GPRIN3: variants seen among roughly 807,000 people sequenced by gnomAD.
The protein encoded by GPRIN3 is G protein-regulated inducer of neurite outgrowth 3.
Under a neutral mutation model 13.7 loss-of-function variants are expected in GPRIN3, and 12 were observed. The ratio of observed to expected loss-of-function variants is 0.87; its 90% CI spans 0.56 to 1.42. The LOEUF is 1.42. GPRIN3 is among the 40% of genes most tolerant of loss of function. GPRIN3 has a pLI of 0.00. For missense variants in GPRIN3, 1,009 were observed against 958.7 expected (o/e 1.05, Z -0.69); for synonymous variants, 377 against 372.7 (o/e 1.01, Z -0.13).
chr4:89,285,173 A>C (rs1456472281), intron 1 of GPRIN3, among the ~76,000 whole-genome samples: 1 of 151,440 alleles, frequency 6.6e-6, no homozygotes, highest in African/African-American at 2.4e-5. Flanking sequence ...TGCCTTTGAA[A>C]AATCCCTACC....
At chr4:89,302,789 A>G (rs946621848) in intron 1 of GPRIN3, among the ~76,000 whole-genome samples, 2 of 152,190 alleles carry the variant, frequency 1.3e-5, no homozygotes, top group South Asian at 2.1e-4. Flanking sequence ...CTTGACTCTT[A>G]CGTGCAAAAA....
At position 89,238,903 on chromosome 4, in the gene GPRIN3, C is replaced by A. The variant is rs1474222840; in HGVS notation, c.*8877G>T. ...TATGAAAAGTGAGATGCAAAAAAATCATAATCTAAATTTTTTGATGGTAAA... is the reference window on the plus strand; with the variant it reads ...TATGAAAAGTGAGATGCAAAAAAATAATAATCTAAATTTTTTGATGGTAAA... On this transcript the variant is annotated 3_prime_UTR_variant, in exon 2 of 2. Transcript: ENST00000609438. 1 of 152,036 alleles carries A rather than the reference C, an allele frequency of 6.6e-6. No homozygotes were observed. The highest frequency in any genetic ancestry group is 1.5e-5 in the Non-Finnish European group (1 of 68,000). 9.4% of individuals were successfully genotyped at this position (152,036 alleles called of 1,614,324 possible). A position where few individuals can be genotyped will look rare whatever the true frequency, so the allele number is the denominator to read the frequency against.
chr4:89,275,958 A>G (rs760843993), intron 1 of GPRIN3, among the ~76,000 whole-genome samples: 8 of 152,182 alleles, frequency 5.3e-5, no homozygotes, highest in Admixed American at 1.3e-4. Flanking sequence ...CCTACAATTA[A>G]CCTAGGCCAG....
At chr4:89,273,996 CG>C (rs1191210933) in intron 1 of GPRIN3, among the ~76,000 whole-genome samples, 1 of 152,150 alleles carries the variant, frequency 6.6e-6, no homozygotes, top group Non-Finnish European at 1.5e-5. Context: ...CCTCAAGAAG[CG>C]TATTATGAAG....
rs1291836777 is a variant in GPRIN3 at position 89,250,394 on chromosome 4, T to C, written c.-123-161A>G. The C allele has an allele frequency of 4.4e-5, 13 of 298,762 alleles. No individual in the cohort carries two copies. In the East Asian group the frequency reaches 8.4e-4, roughly 19 times the overall value. 18.5% of individuals were successfully genotyped at this position (298,762 alleles called of 1,614,324 possible). A position where few individuals can be genotyped will look rare whatever the true frequency, so the allele number is the denominator to read the frequency against. ...GGGAGGGAGAAGAAAAATAAATAAA[T>C]AAAAATAGACTTGAGAAAAAGATTT... On this transcript the variant is annotated intron_variant, in intron 1 of 1. Coordinates refer to ENST00000609438, the MANE Select transcript of GPRIN3 (RefSeq NM_198281.3).
Position 89,249,926 on chromosome 4 carries a change from G to A in GPRIN3, c.185C>T (p.Ala62Val), listed in dbSNP as rs762425208. Residue 62 changes from alanine (A) to valine (V), a missense_variant, in exon 2 of 2, where the codon GCC becomes GTC. Transcript: ENST00000609438. Reference protein sequence around the residue: ...AEPDLSPRAAAEALMQVCEHE... With the variant: ...AEPDLSPRAAVEALMQVCEHE... The stretch of plus-strand genomic sequence containing the variant: ...CTCACAAACCTGCATCAGGGCTTCG[G>A]CAGCTGCCCTGGGGCTGAGGTCTGG... 1.4e-5 allele frequency: 22 copies of A among 1,614,112 alleles called. No homozygotes were observed. Among genetic ancestry groups the A allele is most frequent in the Non-Finnish European group, 1.9e-5 (22 of 1,180,032 alleles).
chr4:89,285,631 C>G (rs1724384907), intron 1 of GPRIN3, among the ~76,000 whole-genome samples: 1 of 152,210 alleles, frequency 6.6e-6, no homozygotes, highest in African/African-American at 2.4e-5. Flanking sequence ...AATATCTCAA[C>G]TTCCTGTTCT....
intron 1 of GPRIN3, among the ~76,000 whole-genome samples, chr4:89,296,155 G>T (rs1453424646): frequency 6.6e-6 from 1 of 152,096 alleles, no homozygotes; most frequent in Non-Finnish European, 1.5e-5. Flanking sequence ...GGAACAAAGA[G>T]TTTGAATTCT....
intron 1 of GPRIN3, among the ~76,000 whole-genome samples, chr4:89,287,426 G>A (rs541226245): frequency 2.9e-4 from 44 of 152,330 alleles, no homozygotes; most frequent in African/African-American, 1.0e-3. Context: ...AAATTGAACT[G>A]TGTCCTATTT....
rs1290429521 is a variant in GPRIN3, at chr4:89,242,868, G to A, written c.*4912C>T. ...CACAAGTCATTTCACCAAGGTCCAAGGTTATTTGAATGTTGTTTATAATTA... is the reference window on the plus strand; with the variant it reads ...CACAAGTCATTTCACCAAGGTCCAAAGTTATTTGAATGTTGTTTATAATTA... On this transcript the variant is annotated 3_prime_UTR_variant, in exon 2 of 2. Transcript: ENST00000609438. The A allele has an allele frequency of 1.3e-5, 2 of 152,072 alleles. No individual in the cohort carries two copies. Among genetic ancestry groups the A allele is most frequent in the Non-Finnish European group, 2.9e-5 (2 of 68,012 alleles). The allele number at this position is 152,072 out of a possible 1,614,324, so 9.4% of individuals were successfully genotyped here. A position where few individuals can be genotyped will look rare whatever the true frequency, so the allele number is the denominator to read the frequency against.
At chr4:89,260,388 G>T (rs1007872061) in intron 1 of GPRIN3, among the ~76,000 whole-genome samples, 3 of 152,158 alleles carry the variant, frequency 2.0e-5, no homozygotes, top group Admixed American at 2.0e-4. Flanking sequence ...CTTTGCTGGG[G>T]CCACAATCTT....
At chr4:89,250,294 C>A in intron 1 of GPRIN3, 61 bp from the exon 2 acceptor site, 5 of 1,232,250 alleles carry the variant, frequency 4.1e-6, no homozygotes, top group Non-Finnish European at 4.2e-6. Context: ...GAAAAATAAA[C>A]CAAACTGTCG....
rs559759427 is a variant in GPRIN3 at position 89,240,148 on chromosome 4, C to T, written c.*7632G>A. ...ACTGGTTGGAATTATGATAAGCTGACAAATCTTGTTCAGAGTTGACACTTG... is the reference window on the plus strand; with the variant it reads ...ACTGGTTGGAATTATGATAAGCTGATAAATCTTGTTCAGAGTTGACACTTG... On this transcript the variant is annotated 3_prime_UTR_variant, in exon 2 of 2. Coordinates refer to ENST00000609438, the MANE Select transcript of GPRIN3 (RefSeq NM_198281.3). The T allele has an allele frequency of 1.3e-5, 2 of 152,268 alleles. No homozygotes were observed. Among genetic ancestry groups the T allele is most frequent in the Non-Finnish European group, 2.9e-5 (2 of 68,014 alleles). 9.4% of individuals were successfully genotyped at this position (152,268 alleles called of 1,614,324 possible).
chr4:89,266,967 T>C (rs1430482981), intron 1 of GPRIN3, among the ~76,000 whole-genome samples: 71 of 152,358 alleles, frequency 4.7e-4, no homozygotes, highest in Admixed American at 6.5e-5. Context: ...TAAATTTATA[T>C]ATAACATAAC....
intron 1 of GPRIN3, among the ~76,000 whole-genome samples, chr4:89,252,461 TC>T (rs894386806): frequency 2.6e-5 from 4 of 152,188 alleles, no homozygotes; most frequent in African/African-American, 9.7e-5. Flanking sequence ...TTTCTGAGGA[TC>T]TTTCCAGCTC....
intron 1 of GPRIN3, among the ~76,000 whole-genome samples, chr4:89,280,893 G>A (rs1724227578): frequency 6.6e-6 from 1 of 152,118 alleles, no homozygotes; most frequent in African/African-American, 2.4e-5. Context: ...ATTGTATTAG[G>A]CTATTCCTGC....
At chr4:89,305,640 T>C (rs1561240547) in intron 1 of GPRIN3, among the ~76,000 whole-genome samples, 2 of 152,230 alleles carry the variant, frequency 1.3e-5, no homozygotes, top group East Asian at 3.8e-4. Flanking sequence ...CCGTGTTTCC[T>C]GCAAGCTGCA....
intron 1 of GPRIN3, among the ~76,000 whole-genome samples, chr4:89,252,837 C>T (rs1337378920): frequency 6.6e-6 from 1 of 152,088 alleles, no homozygotes; most frequent in Non-Finnish European, 1.5e-5. Flanking sequence ...ATCACTTGCT[C>T]TGCCCCAGCC....
rs539153876 is a variant in GPRIN3, at chr4:89,278,684, T to C, written c.-123-28451A>G. ...TCATTAATGTCTAGATTAATGCCTA[T>C]ATAGTAGGTACTGCTATTAGCCCCA... On this transcript the variant is annotated intron_variant, in intron 1 of 1. Coordinates refer to ENST00000609438, the MANE Select transcript of GPRIN3 (RefSeq NM_198281.3). 2.0e-5 allele frequency among the ~76,000 whole-genome samples: 3 copies of C among 152,354 alleles called. No individual in the cohort carries two copies. In the South Asian group the frequency reaches 6.2e-4, roughly 32 times the overall value.
Sources: gnomAD v4.1 joint callset for allele counts (sites outside exome capture counted in the v4.1 genomes callset) on GRCh38, gnomAD v4.1.1 for gene constraint, MANE v1.5 for transcripts, NCBI Gene and HGNC (gene_info 2026-07-23, HGNC 2026-07-21) for gene names.